TAFA2: variants seen among roughly 807,000 people sequenced by gnomAD.
The protein encoded by TAFA2 is chemokine-like protein TAFA-2.
Under a neutral mutation model 18.8 loss-of-function variants are expected in TAFA2, and 7 were observed. The observed-to-expected ratio is 0.37, with a 90% confidence interval of 0.21 to 0.70. The LOEUF is 0.70. Among genes scored for constraint, TAFA2 ranks in the 30% least tolerant of loss-of-function variants. The pLI, the probability that TAFA2 is intolerant of heterozygous loss-of-function variation, is 0.53. For synonymous variants in TAFA2, 60 were observed against 54.2 expected (o/e 1.11, Z -0.47); for missense variants, 122 against 158.1 (o/e 0.77, Z 1.23).
intron 1 of TAFA2, among the ~76,000 whole-genome samples, chr12:62,251,569 G>C (rs1045443577): frequency 5.3e-5 from 8 of 152,156 alleles, no homozygotes; most frequent in African/African-American, 1.7e-4. Flanking sequence ...ATGGAAAATA[G>C]CCTGTAAAGA....
intron 1 of TAFA2, among the ~76,000 whole-genome samples, chr12:62,108,262 T>C (rs1339927570): frequency 1.3e-5 from 2 of 152,160 alleles, no homozygotes; most frequent in Non-Finnish European, 2.9e-5. Context: ...CCTGTGCTAG[T>C]TTGCTGAGAA....
At chr12:61,809,228 G>A (rs1871757539) in intron 2 of TAFA2, among the ~76,000 whole-genome samples, 1 of 151,412 alleles carries the variant, frequency 6.6e-6, no homozygotes, top group South Asian at 2.1e-4. Flanking sequence ...TCACTGATTA[G>A]CTAACCTCAG....
intron 1 of TAFA2, among the ~76,000 whole-genome samples, chr12:62,131,905 A>G (rs1244921947): frequency 1.3e-5 from 2 of 151,902 alleles, no homozygotes; most frequent in Non-Finnish European, 2.9e-5. Flanking sequence ...TTCACTAGAA[A>G]TTTAGTATTT....
chr12:62,062,691 C>G lies in TAFA2; in HGVS notation c.-2+128568G>C, dbSNP rs145096524. 2.4e-3 allele frequency among the ~76,000 whole-genome samples: 362 copies of G among 152,250 alleles called. 1 individual carries two copies. The highest frequency in any genetic ancestry group is 7.9e-3 in the African/African-American group (327 of 41,530). The stretch of plus-strand genomic sequence containing the variant: ...TTTCTCAAGTACAATAAAGGTCTCA[C>G]CAGACTAATATCAAGCTGTCAGCAG... On this transcript the variant is annotated intron_variant, in intron 1 of 4. Transcript: ENST00000416284.
At chr12:61,792,524 G>T (rs1871023490) in intron 2 of TAFA2, among the ~76,000 whole-genome samples, 1 of 151,232 alleles carries the variant, frequency 6.6e-6, no homozygotes, top group East Asian at 1.9e-4. Flanking sequence ...CAATTATTTT[G>T]TGTCATTAAA....
At chr12:62,174,668 C>T (rs1002912771) in intron 1 of TAFA2, among the ~76,000 whole-genome samples, 4 of 152,142 alleles carry the variant, frequency 2.6e-5, no homozygotes, top group Non-Finnish European at 4.4e-5. Context: ...CAAAATAATG[C>T]TGTCTTGGGA....
intron 1 of TAFA2, among the ~76,000 whole-genome samples, chr12:62,220,671 G>C (rs755435781): frequency 6.6e-5 from 10 of 152,190 alleles, no homozygotes; most frequent in Non-Finnish European, 1.2e-4. Context: ...GATAGTGGGG[G>C]AAGAGTATGC....
At chr12:62,042,441 G>A (rs1302490799) in intron 1 of TAFA2, among the ~76,000 whole-genome samples, 1 of 151,718 alleles carries the variant, frequency 6.6e-6, no homozygotes, top group Non-Finnish European at 1.5e-5. Flanking sequence ...GCGTGTGTGT[G>A]TGTGTGTGTG....
At chr12:61,905,084 T>C (rs1449840847) in intron 1 of TAFA2, among the ~76,000 whole-genome samples, 1 of 152,194 alleles carries the variant, frequency 6.6e-6, no homozygotes, top group African/African-American at 2.4e-5. Context: ...CTCTACTTTA[T>C]AATAATTAAT....
chr12:62,005,661 A>T (rs1020776942), intron 1 of TAFA2, among the ~76,000 whole-genome samples: 3 of 152,108 alleles, frequency 2.0e-5, no homozygotes, highest in Non-Finnish European at 4.4e-5. Flanking sequence ...ACCAGAGAGG[A>T]TCAATGTTTT....
At position 61,782,755 on chromosome 12, in the gene TAFA2, G is replaced by A. The variant is rs368189448; in HGVS notation, c.107-27731C>T. On this transcript the variant is annotated intron_variant, in intron 2 of 4. Coordinates refer to ENST00000416284, the MANE Select transcript of TAFA2 (RefSeq NM_178539.5). ...TTTCCATCCTTTTATTAGTTCACCAGGTTTCAAGTTCCTTTCTAATTCAGG... is the reference window on the plus strand; with the variant it reads ...TTTCCATCCTTTTATTAGTTCACCAAGTTTCAAGTTCCTTTCTAATTCAGG... Among the ~76,000 whole-genome samples, 3 of 151,802 alleles carry A rather than the reference G, an allele frequency of 2.0e-5. No homozygotes were observed. The East Asian group carries it at 5.8e-4, about 30-fold the overall frequency.
At chr12:62,194,790 G>A (rs760960406), upstream of TAFA2, among the ~76,000 whole-genome samples, 1 of 152,048 alleles carries the variant, frequency 6.6e-6, no homozygotes, top group South Asian at 2.1e-4. Flanking sequence ...TGCAGGTTTG[G>A]TTCCAAACCA....
chr12:61,914,761 C>T (rs190764088), intron 1 of TAFA2, among the ~76,000 whole-genome samples: 119 of 152,144 alleles, frequency 7.8e-4, no homozygotes, highest in African/African-American at 2.8e-3. Context: ...CTGGAGTTGA[C>T]AAAAAATTAG....
chr12:61,973,213 T>A (rs1017015481), intron 1 of TAFA2, among the ~76,000 whole-genome samples: 2 of 151,592 alleles, frequency 1.3e-5, no homozygotes, highest in African/African-American at 4.8e-5. Context: ...AAATTAAAAG[T>A]GCACATACAA....
intron 1 of TAFA2, among the ~76,000 whole-genome samples, chr12:62,143,498 T>A (rs1444486948): frequency 1.3e-5 from 2 of 152,184 alleles, no homozygotes; most frequent in Non-Finnish European, 2.9e-5. Context: ...CTAAGAACTT[T>A]GTTTCATCTA....
intron 1 of TAFA2, among the ~76,000 whole-genome samples, chr12:61,941,124 T>C (rs1403926982): frequency 2.0e-5 from 3 of 152,198 alleles, no homozygotes. Flanking sequence ...AGATCATATA[T>C]TTGTGATGAA....
chr12:62,194,200 C>A (rs1170047682), upstream of TAFA2, among the ~76,000 whole-genome samples: 8 of 151,880 alleles, frequency 5.3e-5, no homozygotes, highest in African/African-American at 9.7e-5. Flanking sequence ...CTGCTGTGTT[C>A]AATAGTGTGA....
intron 1 of TAFA2, among the ~76,000 whole-genome samples, chr12:62,211,366 G>A (rs1245943990): frequency 6.6e-6 from 1 of 152,150 alleles, no homozygotes; most frequent in Non-Finnish European, 1.5e-5. Flanking sequence ...GATCAAGGAG[G>A]TCAGGACATC....
intron 2 of TAFA2, among the ~76,000 whole-genome samples, chr12:61,866,604 A>T (rs137877067): frequency 6.6e-6 from 1 of 152,308 alleles, no homozygotes; most frequent in Non-Finnish European, 1.5e-5. Context: ...TGGCCAAGAA[A>T]GAGGGCAGAA....
Sources: gnomAD v4.1 joint callset for allele counts (sites outside exome capture counted in the v4.1 genomes callset) on GRCh38, gnomAD v4.1.1 for gene constraint, MANE v1.5 for transcripts, NCBI Gene and HGNC (gene_info 2026-07-23, HGNC 2026-07-21) for gene names.